Variants in SLC12A4 observed in about 807,000 individuals in gnomAD.
SLC12A4 encodes the protein solute carrier family 12 member 4.
In SLC12A4, 84 loss-of-function variants were observed where a neutral mutation model predicts 119.2. That is an observed-to-expected ratio of 0.70 (90% CI 0.59 to 0.85). SLC12A4 has a LOEUF of 0.85. SLC12A4 is among the 40% of genes least tolerant of loss of function. The probability of loss-of-function intolerance (pLI) is 0.00; values close to 1 mark genes in which losing one functional copy is unlikely to be tolerated. For synonymous variants in SLC12A4, 599 were observed against 604.6 expected (o/e 0.99, Z 0.14); for missense variants, 1,298 against 1,476.3 (o/e 0.88, Z 1.98).
chr16:67,953,113 T>C (rs970724042), intron 6 of SLC12A4, among the ~76,000 whole-genome samples: 1 of 145,212 alleles, frequency 6.9e-6, no homozygotes, highest in Non-Finnish European at 1.5e-5. Flanking sequence ...AATAAATGAA[T>C]AGGCCGGGCG....
intron 1 of SLC12A4, chr16:67,966,603 A>T: frequency 1.0e-6 from 1 of 956,924 alleles, no homozygotes; most frequent in Non-Finnish European, 1.5e-6. Context: ...CCACAGGCCA[A>T]GGTGGGCTGG....
Position 67,947,022 on chromosome 16 carries a change from T to G in SLC12A4, c.2156A>C (p.Lys719Thr). The G allele has an allele frequency of 6.2e-7, 1 of 1,613,126 alleles. No individual in the cohort carries two copies. The highest frequency in any genetic ancestry group is 8.5e-7 in the Non-Finnish European group (1 of 1,179,998). ...AACAATGGTCAGGCCCTTGCCAGCC[T>G]TGAGCTGGGAGGCGAAGGTGAGGAG... is the stretch of plus-strand genomic sequence containing the variant. ...PRLLTFASQL[K>T]AGKGLTIVGS... The change falls in exon 17 of 24, where the codon AAG becomes ACG. Residue 719 changes from lysine to threonine, a missense_variant. Coordinates refer to ENST00000316341, the MANE Select transcript of SLC12A4 (RefSeq NM_005072.5).
chr16:67,952,037 C>G lies in SLC12A4; in HGVS notation c.918G>C (p.Pro306=), dbSNP rs749700598. ...IKSIFDPPVF[P]VCMLGNRTLS... The stretch of plus-strand genomic sequence containing the variant: ...GGGTCCTGTTGCCCAGCATGCATAC[C>G]CTGTGAGGGACAGAAGCACCGGCAC... Residue 306 remains proline (P), a splice_region_variant and synonymous_variant, in exon 8 of 24, where the codon CCG becomes CCC. Coordinates refer to ENST00000316341, the MANE Select transcript of SLC12A4 (RefSeq NM_005072.5). 2 of 1,613,326 alleles carry G rather than the reference C, an allele frequency of 1.2e-6. No homozygotes were observed. Among genetic ancestry groups the G allele is most frequent in the Admixed American group, 3.3e-5 (2 of 59,988 alleles).
chr16:67,945,842 G>A lies in SLC12A4; in HGVS notation c.2769C>T (p.Tyr923=), dbSNP rs777090583. 124 of 1,613,894 alleles carry A rather than the reference G, an allele frequency of 7.7e-5. No homozygotes were observed. The highest frequency in any genetic ancestry group is 9.2e-5 in the Non-Finnish European group (109 of 1,180,056). The change falls in exon 21 of 24, where the codon TAC becomes TAT. Residue 923 remains tyrosine, a synonymous_variant. Transcript: ENST00000316341. The part of the protein sequence containing the change: ...MHNSDISAYT[Y]ERTLMMEQRS... ...GCTGCTCCATCATCAGCGTCCGCTC[G>A]TAGGTGTATGCAGAGATGTCACTGT...
Position 67,944,242 on chromosome 16 carries a change from A to G in SLC12A4, c.*598T>C. 1 of 1,432,398 alleles carries G rather than the reference A, an allele frequency of 7.0e-7. No homozygotes were observed. 88.7% of individuals were successfully genotyped at this position (1,432,398 alleles called of 1,614,324 possible). On this transcript the variant is annotated 3_prime_UTR_variant, in exon 24 of 24. Transcript: ENST00000316341. The surrounding 1 kb of genome is among the most constrained non-coding windows in gnomAD (Gnocchi z 6.6). ...GCCAGAGATTGCCGGAAAGGGGCAC[A>G]GCCTCAGGGAGCCGGCTCTGGGCCT...
rs376790337 is a variant in SLC12A4, at chr16:67,946,346, G to A, written c.2438-6C>T. 3.2e-4 allele frequency: 508 copies of A among 1,607,812 alleles called. No homozygotes were observed. The highest frequency in any genetic ancestry group is 4.2e-4 in the Non-Finnish European group (494 of 1,179,972). ...CGTAGTGCAGCGCACGGTGTCTGGG[G>A]AGGAGGAGCACGGCTGACCACCAGT... is the stretch of plus-strand genomic sequence containing the variant. On this transcript the variant is annotated splice_polypyrimidine_tract_variant and splice_region_variant and intron_variant, in intron 18 of 23. Coordinates refer to ENST00000316341, the MANE Select transcript of SLC12A4 (RefSeq NM_005072.5).
intron 1 of SLC12A4, chr16:67,966,641 A>G: frequency 1.4e-6 from 2 of 1,380,552 alleles, no homozygotes; most frequent in Non-Finnish European, 2.0e-6. Context: ...GGCCTCCCAG[A>G]GCAGAGGTGT....
rs1184207362 is a variant in SLC12A4 at position 67,951,015 on chromosome 16, TG to T, written c.1342del (p.Gln448ArgfsTer103). The T allele has an allele frequency of 6.2e-7, 1 of 1,613,804 alleles. No individual in the cohort carries two copies. The highest frequency in any genetic ancestry group is 8.5e-7 in the Non-Finnish European group (1 of 1,180,020). On this transcript the variant is annotated frameshift_variant, in exon 10 of 24. Transcript: ENST00000316341. LOFTEE classifies it high-confidence loss of function. This position sits in a 1 kb window ranked among gnomAD's most constrained non-coding sequence, Gnocchi z 5.2. ...AATGGTCCCCACAGGGATAGACTTC[TG>T]GGCGTCACGAAGGTCCCCAGAGCGG... is the stretch of plus-strand genomic sequence containing the variant. The part of the protein sequence containing the change: ...SNRSGDLRDA[Q>X]KSIPVGTILA...
At chr16:67,966,436 G>GC (rs1326159741) in intron 1 of SLC12A4, among the ~76,000 whole-genome samples, 4 of 152,360 alleles carry the variant, frequency 2.6e-5, no homozygotes, top group Middle Eastern at 3.4e-3. Flanking sequence ...TCTGAATATG[G>GC]CCTAGGCCTA....
chr16:67,948,237 G>T, intron 13 of SLC12A4, 78 bp from the exon 14 acceptor site: 1 of 1,403,750 alleles, frequency 7.1e-7, no homozygotes, highest in Non-Finnish European at 1.0e-6. Flanking sequence ...GCCTGGCCCA[G>T]AAACGGGGCG....
At chr16:67,945,269 GA>G (rs1252914125) in intron 22 of SLC12A4, 49 bp from the exon 23 acceptor site, 1 of 1,555,844 alleles carries the variant, frequency 6.4e-7, no homozygotes, top group East Asian at 2.3e-5. Context: ...ATCCTGCAAG[GA>G]GGGTCCCCAC....
rs143746556 is a variant in SLC12A4 at position 67,951,173 on chromosome 16, C to T, written c.1264G>A (p.Val422Met). ...VVADIATSFT[V>M]LVGIFFPSVT... ...GAAGGGAAGAAGATGCCGACCAGCA[C>T]GGTGAAGGATGTGGCGATGTCAGCG... Residue 422 changes from valine to methionine, a missense_variant, in exon 9 of 24, where the codon GTG (valine) becomes ATG (methionine). Physicochemically the swap from Val to Met is conservative, Grantham distance 21. Coordinates refer to ENST00000316341, the MANE Select transcript of SLC12A4 (RefSeq NM_005072.5). This position sits in a 1 kb window ranked among gnomAD's most constrained non-coding sequence, Gnocchi z 5.2. The T allele has an allele frequency of 9.9e-4, 1,604 of 1,613,982 alleles. 14 individuals carry two copies. The African/African-American group carries it at 0.019, about 19-fold the overall frequency.
intron 13 of SLC12A4, among the ~76,000 whole-genome samples, chr16:67,948,954 AGAG>A (rs2058382776): frequency 6.6e-6 from 1 of 152,136 alleles, no homozygotes; most frequent in Non-Finnish European, 1.5e-5. Context: ...TGGGCAGGGA[AGAG>A]GAGGCCTTTC....
At position 67,968,468 on chromosome 16, in the gene SLC12A4, C is replaced by A; in HGVS notation, c.86G>T (p.Gly29Val). Residue 29 changes from glycine (G) to valine (V), a missense_variant, in exon 1 of 24, where the codon GGG (glycine) becomes GTG (valine). Gly to Val is a moderately radical substitution (Grantham distance 109, BLOSUM62 -3). Transcript: ENST00000316341. The stretch of plus-strand genomic sequence containing the variant: ...CGAGTCATCCAGCTCGGCGCGCTCC[C>A]CGTAGTCCACCCAACTGAGCCCCTC... ...NLEGLSWVDY[G>V]ERAELDDSDG... 1 of 1,583,796 alleles carries A rather than the reference C, an allele frequency of 6.3e-7. No individual in the cohort carries two copies. The highest frequency in any genetic ancestry group is 1.7e-5 in the Admixed American group (1 of 57,638).
In SLC12A4 at chr16:67,950,424, G is replaced by A; in HGVS notation, c.1524C>T (p.Val508=). The A allele has an allele frequency of 4.3e-6, 7 of 1,614,058 alleles. No homozygotes were observed. The highest frequency in any genetic ancestry group is 5.9e-6 in the Non-Finnish European group (7 of 1,180,024). Residue 508 remains valine (V), a synonymous_variant, in exon 12 of 24, where the codon GTC becomes GTT. Transcript: ENST00000316341. This position sits in a 1 kb window ranked among gnomAD's most constrained non-coding sequence, Gnocchi z 4.3. The stretch of plus-strand genomic sequence containing the variant: ...CACACGTTGAAAAGAAGGAGCCGAT[G>A]ACGATGACCCAGGGTGAAGGCCAGG... ...TLAWPSPWVI[V]IGSFFSTCGA...
In SLC12A4 at chr16:67,950,904, C is replaced by A; in HGVS notation, c.1396+58G>T. Reference sequence around the variant, plus strand: ...TCTGTGCATGTGACCTGGCAACGTACACAGGCCAAGCGCTTCCCGTCCTCT... The same window carrying A: ...TCTGTGCATGTGACCTGGCAACGTAAACAGGCCAAGCGCTTCCCGTCCTCT... On this transcript the variant is annotated intron_variant, in intron 10 of 23. Transcript: ENST00000316341. The surrounding 1 kb of genome is among the most constrained non-coding windows in gnomAD (Gnocchi z 4.3). 1 of 1,575,692 alleles carries A rather than the reference C, an allele frequency of 6.3e-7. No homozygotes were observed. Among genetic ancestry groups the A allele is most frequent in the Non-Finnish European group, 8.7e-7 (1 of 1,147,950 alleles).
Position 67,946,966 on chromosome 16 carries a change from T to C in SLC12A4, c.2212A>G (p.Ser738Gly). 3.1e-6 allele frequency: 5 copies of C among 1,613,084 alleles called. No homozygotes were observed. The highest frequency in any genetic ancestry group is 4.2e-6 in the Non-Finnish European group (5 of 1,179,976). Reference sequence around the variant, plus strand: ...TCGGCGGCCTGAGCCTCGCCATAGCTCTCCAAGAAGCTCCCCTGGATGACA... The same window carrying C: ...TCGGCGGCCTGAGCCTCGCCATAGCCCTCCAAGAAGCTCCCCTGGATGACA... ...GSVIQGSFLESYGEAQAAEQT... is the reference protein window; with the variant it reads ...GSVIQGSFLEGYGEAQAAEQT... Residue 738 changes from serine to glycine, a missense_variant, in exon 17 of 24, where the codon AGC (serine) becomes GGC (glycine). Coordinates refer to ENST00000316341, the MANE Select transcript of SLC12A4 (RefSeq NM_005072.5).
At chr16:67,948,443 A>G (rs2058376882) in intron 13 of SLC12A4, among the ~76,000 whole-genome samples, 1 of 152,206 alleles carries the variant, frequency 6.6e-6, no homozygotes, top group African/African-American at 2.4e-5. Context: ...CAGGGGCAGC[A>G]GGAAGAGCTC....
chr16:67,944,876 G>A lies in SLC12A4; in HGVS notation c.3222C>T (p.Arg1074=), dbSNP rs142644491. ...TGGTGATGACTTCACGGCCACCACC[G>A]CGCACCAACAGCACCCGCTCAAGGC... is the stretch of plus-strand genomic sequence containing the variant. ...TEGLERVLLV[R]GGGREVITIY... Residue 1074 remains arginine (R), a synonymous_variant, in exon 24 of 24, where the codon CGC becomes CGT. Coordinates refer to ENST00000316341, the MANE Select transcript of SLC12A4 (RefSeq NM_005072.5). This position sits in a 1 kb window ranked among gnomAD's most constrained non-coding sequence, Gnocchi z 6.6. 84 of 1,613,240 alleles carry A rather than the reference G, an allele frequency of 5.2e-5. No individual in the cohort carries two copies. Among genetic ancestry groups the A allele is most frequent in the South Asian group, 3.2e-4 (29 of 91,082 alleles).
Sources: gnomAD v4.1 joint callset for allele counts (sites outside exome capture counted in the v4.1 genomes callset) on GRCh38, gnomAD v4.1.1 for gene constraint, Gnocchi (gnomAD v3.1) non-coding constraint, MANE v1.5 for transcripts, NCBI Gene and HGNC (gene_info 2026-07-23, HGNC 2026-07-21) for gene names.